FRMPD4: variants seen among roughly 807,000 people sequenced by gnomAD.
The protein encoded by FRMPD4 is FERM and PDZ domain-containing protein 4.
A neutral mutation model predicts 94.1 loss-of-function variants in FRMPD4; 22 were observed. The ratio of observed to expected loss-of-function variants is 0.23; its 90% CI spans 0.17 to 0.33. The LOEUF is 0.33. FRMPD4 is among the 10% of genes least tolerant of loss of function. FRMPD4 has a pLI of 1.00. For synonymous variants in FRMPD4, 631 were observed against 548.6 expected, an observed-to-expected ratio of 1.15 and a Z score of -2.10; for missense variants, 1,111 against 1,339.9, an observed-to-expected ratio of 0.83 and a Z score of 2.67.
At chrX:11,874,505 G>A (rs2053772877) in intron 2 of FRMPD4, among the ~76,000 whole-genome samples, 1 of 112,173 alleles carries the variant, frequency 8.9e-6, no homozygotes, top group South Asian at 3.7e-4. Context: ...GTAATCTAGC[G>A]ATGATTTAAC....
chrX:12,637,750 A>G (rs1028254597), intron 4 of FRMPD4, among the ~76,000 whole-genome samples: 15 of 111,790 alleles, frequency 1.3e-4, no homozygotes, highest in African/African-American at 4.9e-4. Flanking sequence ...ATCAGATGCA[A>G]TTATTTCATT....
chrX:11,966,035 A>C (rs771122260), intron 3 of FRMPD4, among the ~76,000 whole-genome samples: 1 of 112,408 alleles, frequency 8.9e-6, no homozygotes, highest in East Asian at 2.8e-4. Context: ...CATCTAAGAC[A>C]TAAAAGTCAC....
In FRMPD4 at chrX:12,683,558, G is replaced by A; in HGVS notation, c.544G>A (p.Glu182Lys). The part of the protein sequence containing the change: ...KSNPVKVRFS[E>K]EVIINGQVSE... The stretch of plus-strand genomic sequence containing the variant: ...CAATCCTGTCAAAGTACGCTTCTCT[G>A]AGGAGGTCATCATCAACGGCCAAGT... Residue 182 changes from glutamate (E) to lysine (K), a missense_variant, in exon 6 of 17, where the codon GAG becomes AAG. Physicochemically the swap from Glu to Lys is moderately conservative, Grantham distance 56. Around this residue, in one of 8 missense-constraint regions of FRMPD4, gnomAD observed 140 missense variants for 165.9 expected, o/e 0.84. Coordinates refer to ENST00000675598, the MANE Select transcript of FRMPD4 (RefSeq NM_001368397.1). 1 of 1,176,140 alleles carries A rather than the reference G, an allele frequency of 8.5e-7. No homozygotes were observed. Among genetic ancestry groups the A allele is most frequent in the Non-Finnish European group, 1.2e-6 (1 of 864,190 alleles).
intron 3 of FRMPD4, among the ~76,000 whole-genome samples, chrX:11,935,096 A>T (rs866509698): frequency 9.7e-3 from 371 of 38,155 alleles, no homozygotes; most frequent in Non-Finnish European, 0.012. Flanking sequence ...TTTTTTTTTT[A>T]AATTTAACAG....
At chrX:12,295,528 T>A (rs1019395769) in intron 1 of FRMPD4, among the ~76,000 whole-genome samples, 1 of 112,115 alleles carries the variant, frequency 8.9e-6, no homozygotes, top group Non-Finnish European at 1.9e-5. Flanking sequence ...TATTTATTGT[T>A]TAAATATCGT....
chrX:11,932,247 A>T (rs1324868553), intron 3 of FRMPD4, among the ~76,000 whole-genome samples: 3 of 112,029 alleles, frequency 2.7e-5, no homozygotes, highest in Non-Finnish European at 5.6e-5. Context: ...CAGAAAGATG[A>T]GCTACTCACT....
At chrX:12,633,146 A>T (rs2059411458) in intron 4 of FRMPD4, among the ~76,000 whole-genome samples, 1 of 112,079 alleles carries the variant, frequency 8.9e-6, no homozygotes, top group Non-Finnish European at 1.9e-5. Context: ...GCTGAAGGTC[A>T]GTTGAGCAAT....
chrX:12,137,664 A>G (rs918013042), upstream of FRMPD4, among the ~76,000 whole-genome samples: 1 of 112,128 alleles, frequency 8.9e-6, no homozygotes, highest in Non-Finnish European at 1.9e-5. Context: ...CAGGAGGTAG[A>G]ACTGAGTTAA....
intron 1 of FRMPD4, among the ~76,000 whole-genome samples, chrX:12,187,404 C>T (rs2056437217): frequency 8.9e-6 from 1 of 111,798 alleles, no homozygotes; most frequent in South Asian, 3.7e-4. Context: ...TCAAATTTAC[C>T]TCGTTGCCAC....
intron 1 of FRMPD4, among the ~76,000 whole-genome samples, chrX:12,268,852 C>T (rs1420275627): frequency 1.8e-5 from 2 of 111,981 alleles, no homozygotes; most frequent in East Asian, 2.8e-4. Flanking sequence ...AAAATATCTG[C>T]GGTTGTTTCC....
intron 3 of FRMPD4, among the ~76,000 whole-genome samples, chrX:12,610,430 C>T (rs2059170414): frequency 8.9e-6 from 1 of 112,769 alleles, no homozygotes; most frequent in Non-Finnish European, 1.9e-5. Flanking sequence ...AGCTTGTTTC[C>T]TGAGCTTCTG....
intron 11 of FRMPD4, among the ~76,000 whole-genome samples, chrX:12,704,897 C>G (rs1370505251): frequency 8.9e-6 from 1 of 112,367 alleles, no homozygotes; most frequent in East Asian, 2.8e-4. Context: ...ATTAATTAAA[C>G]CAGGGATCCT....
At chrX:12,158,727 T>C in intron 1 of FRMPD4, among the ~76,000 whole-genome samples, 1 of 112,298 alleles carries the variant, frequency 8.9e-6, no homozygotes, top group Non-Finnish European at 1.9e-5. Flanking sequence ...TGTATGAAGA[T>C]CCCCAATCTA....
intron 3 of FRMPD4, among the ~76,000 whole-genome samples, chrX:11,943,432 T>C (rs1399322386): frequency 1.8e-5 from 2 of 111,163 alleles, no homozygotes; most frequent in Non-Finnish European, 3.8e-5. Flanking sequence ...TTCTGGAGGC[T>C]AGTAAGTTTA....
chrX:12,521,954 A>G (rs746316060), intron 2 of FRMPD4, among the ~76,000 whole-genome samples: 2 of 111,047 alleles, frequency 1.8e-5, no homozygotes, highest in South Asian at 3.8e-4. Flanking sequence ...TCACTGGAAT[A>G]CCCATGGGGC....
At chrX:12,055,575 G>A (rs769224526) in intron 3 of FRMPD4, among the ~76,000 whole-genome samples, 2 of 111,901 alleles carry the variant, frequency 1.8e-5, no homozygotes, top group Non-Finnish European at 3.8e-5. Context: ...GCAGAACCAC[G>A]TGCCAATTAA....
chrX:12,125,372 C>A (rs1047278206), intron 3 of FRMPD4, among the ~76,000 whole-genome samples: 3 of 111,888 alleles, frequency 2.7e-5, no homozygotes, highest in Non-Finnish European at 5.6e-5. Flanking sequence ...GAGGTGTTAC[C>A]AGAAAGAAAG....
chrX:11,831,350 G>A (rs1425437579), intron 1 of FRMPD4, among the ~76,000 whole-genome samples: 1 of 111,645 alleles, frequency 9.0e-6, no homozygotes, highest in African/African-American at 3.3e-5. Flanking sequence ...GGGATTTCAT[G>A]CCTGGATTAT....
chrX:12,302,923 A>G lies in FRMPD4; in HGVS notation c.41+163911A>G, dbSNP rs1300599444. On this transcript the variant is annotated intron_variant, in intron 1 of 16. Coordinates refer to ENST00000675598, the MANE Select transcript of FRMPD4 (RefSeq NM_001368397.1). ...ATATTATCACATACAGCCATTGGAC[A>G]CTTATGTGCAAAGACCAAGCATTCA... is the stretch of plus-strand genomic sequence containing the variant. Among the ~76,000 whole-genome samples the G allele has an allele frequency of 2.0e-4, 22 of 111,985 alleles. No individual in the cohort carries two copies. The Admixed American group carries it at 2.0e-3, about 10-fold the overall frequency.
Sources: gnomAD v4.1 joint callset for allele counts (sites outside exome capture counted in the v4.1 genomes callset) on GRCh38, gnomAD v4.1.1 for gene constraint, gnomAD v4.1.1 regional missense constraint, MANE v1.5 for transcripts, NCBI Gene and HGNC (gene_info 2026-07-23, HGNC 2026-07-21) for gene names.